PCSK5: variants seen among roughly 807,000 people sequenced by gnomAD.
PCSK5 encodes proprotein convertase subtilisin/kexin type 5.
Under a neutral mutation model 233.2 loss-of-function variants are expected in PCSK5, and 129 were observed. The observed-to-expected ratio is 0.55, with a 90% CI of 0.48 to 0.64. The LOEUF (loss-of-function observed/expected upper bound fraction) is 0.64. Among genes scored for constraint, PCSK5 ranks in the 30% least tolerant of loss-of-function variants. The pLI, the probability that PCSK5 is intolerant of heterozygous loss-of-function variation, is 0.00. For missense variants in PCSK5, 2,076 were observed against 2,430.1 expected (o/e 0.85, Z 3.06); for synonymous variants, 825 against 879.2 (o/e 0.94, Z 1.09).
At chr9:76,093,161 C>T (rs574308354) in intron 7 of PCSK5, among the ~76,000 whole-genome samples, 14 of 141,708 alleles carry the variant, frequency 9.9e-5, no homozygotes, top group African/African-American at 3.1e-4. Flanking sequence ...GTGAAGCAGT[C>T]GTAGCGCGCT....
intron 2 of PCSK5, among the ~76,000 whole-genome samples, chr9:75,949,650 C>G (rs998759357): frequency 6.6e-6 from 1 of 152,080 alleles, no homozygotes; most frequent in African/African-American, 2.4e-5. Context: ...GCCCCAGCCT[C>G]CCAAGTAGCT....
intron 2 of PCSK5, among the ~76,000 whole-genome samples, chr9:75,939,430 G>A (rs932491891): frequency 3.3e-5 from 5 of 152,128 alleles, no homozygotes; most frequent in South Asian, 2.1e-4. Flanking sequence ...CTGAGTTCAC[G>A]TTTTCAAAGC....
chr9:76,295,524 C>T, intron 26 of PCSK5, 113 bp downstream of exon 26: 2 of 881,996 alleles, frequency 2.3e-6, no homozygotes. Flanking sequence ...GTGTGGGCAC[C>T]TCTGGCCCAA....
At chr9:76,145,420 T>C (rs183902599) in intron 10 of PCSK5, among the ~76,000 whole-genome samples, 10 of 152,314 alleles carry the variant, frequency 6.6e-5, no homozygotes, top group African/African-American at 2.2e-4. Context: ...GTGAAAAGGC[T>C]TCATTTGAAG....
At chr9:76,113,561 G>A (rs1050746980) in intron 9 of PCSK5, among the ~76,000 whole-genome samples, 2 of 152,164 alleles carry the variant, frequency 1.3e-5, no homozygotes, top group Non-Finnish European at 2.9e-5. Context: ...ACTGTGAGAA[G>A]TTAATATGTG....
intron 1 of PCSK5, among the ~76,000 whole-genome samples, chr9:75,927,579 A>G (rs1032428095): frequency 2.6e-5 from 4 of 152,162 alleles, no homozygotes; most frequent in Non-Finnish European, 4.4e-5. Flanking sequence ...AACTCTGTGC[A>G]AGGAGGCATT....
At chr9:76,222,616 C>A (rs1478931874) in intron 20 of PCSK5, among the ~76,000 whole-genome samples, 2 of 152,138 alleles carry the variant, frequency 1.3e-5, no homozygotes. Context: ...TTGTGACTGG[C>A]TTATTTCATT....
At chr9:76,244,495 A>AAGTGAAATC in intron 24 of PCSK5, among the ~76,000 whole-genome samples, 1 of 152,134 alleles carries the variant, frequency 6.6e-6, no homozygotes, top group Non-Finnish European at 1.5e-5. Flanking sequence ...AGTCAGAGAA[A>AAGTGAAATC]AGTGAAATCA....
At chr9:76,040,395 C>CTCTGTCTCTCTGTCTCTCTG (rs774103438) in intron 5 of PCSK5, among the ~76,000 whole-genome samples, 3,752 of 111,264 alleles carry the variant, frequency 0.034, 138 homozygotes, top group East Asian at 0.13. Flanking sequence ...GTCTCTCTCT[C>CTCTGTCTCTCTGTCTCTCTG]TCTCTCTCTC....
At chr9:76,307,480 T>G (rs532504202) in intron 28 of PCSK5, among the ~76,000 whole-genome samples, 2 of 152,290 alleles carry the variant, frequency 1.3e-5, no homozygotes, top group South Asian at 4.1e-4. Context: ...AAGGTCTCCA[T>G]ATGTATTGAC....
intron 5 of PCSK5, among the ~76,000 whole-genome samples, chr9:76,048,269 G>A (rs942417549): frequency 2.0e-5 from 3 of 152,196 alleles, no homozygotes; most frequent in Admixed American, 1.3e-4. Flanking sequence ...GCACTGAAAA[G>A]GAGAGGGGTG....
chr9:76,239,809 A>C (rs1255640321), intron 23 of PCSK5, among the ~76,000 whole-genome samples: 1 of 152,108 alleles, frequency 6.6e-6, no homozygotes, highest in Non-Finnish European at 1.5e-5. Flanking sequence ...TCGAATCCAA[A>C]AGTCTGGGTC....
intron 1 of PCSK5, among the ~76,000 whole-genome samples, chr9:75,905,247 G>A (rs1371821941): frequency 6.6e-6 from 1 of 152,128 alleles, no homozygotes; most frequent in Non-Finnish European, 1.5e-5. Context: ...ACTGGCTGTT[G>A]CCTGTAATCC....
intron 27 of PCSK5, 86 bp downstream of exon 27, chr9:76,296,951 C>A: frequency 1.2e-6 from 1 of 862,894 alleles, no homozygotes; most frequent in Non-Finnish European, 1.9e-6. Flanking sequence ...TTTTAGTTAT[C>A]CAGGAGAGAA....
chr9:76,344,448 T>A (rs1279447440), intron 35 of PCSK5, among the ~76,000 whole-genome samples: 1 of 152,194 alleles, frequency 6.6e-6, no homozygotes, highest in Non-Finnish European at 1.5e-5. Context: ...ATGAAAGAAT[T>A]AGCCTTCCAA....
At chr9:76,267,447 C>A (rs1827368681) in intron 24 of PCSK5, among the ~76,000 whole-genome samples, 1 of 152,138 alleles carries the variant, frequency 6.6e-6, no homozygotes. Context: ...AATCATACTG[C>A]AAAATCCCTC....
At chr9:75,908,949 A>ATCTG (rs772858626) in intron 1 of PCSK5, among the ~76,000 whole-genome samples, 1 of 88,260 alleles carries the variant, frequency 1.1e-5, no homozygotes, top group African/African-American at 3.2e-5. Context: ...CTGTCTATCT[A>ATCTG]TCTATCTATC....
chr9:76,050,108 T>G (rs968150091), intron 5 of PCSK5, among the ~76,000 whole-genome samples: 42 of 152,216 alleles, frequency 2.8e-4, no homozygotes, highest in African/African-American at 9.9e-4. Flanking sequence ...AGTTGGTACT[T>G]GATAGATATT....
chr9:76,115,426 CAG>C (rs890427946), intron 9 of PCSK5, among the ~76,000 whole-genome samples: 2 of 152,106 alleles, frequency 1.3e-5, no homozygotes, highest in Admixed American at 6.6e-5. Flanking sequence ...TTAATTTAAA[CAG>C]AGTGTTAGCA....
Sources: allele counts gnomAD v4.1 joint callset (sites outside exome capture counted in the v4.1 genomes callset), GRCh38; gene constraint gnomAD v4.1.1; transcripts MANE v1.5; gene names NCBI Gene and HGNC (gene_info 2026-07-23, HGNC 2026-07-21).